The following CDH16 variants were observed in gnomAD, a reference collection of about 807,000 sequenced individuals.
CDH16 encodes cadherin 16, also known as cadherin-16.
CDH16 carries 79 observed loss-of-function variants against 87.6 expected under a neutral mutation model. The ratio of observed to expected loss-of-function variants is 0.90; its 90% confidence interval spans 0.75 to 1.09. The LOEUF is 1.09. CDH16 is among the 50% of genes least tolerant of loss of function. The pLI is 0.00. For synonymous variants in CDH16, 457 were observed against 439.5 expected (o/e 1.04, Z -0.50); for missense variants, 1,124 against 1,071.7 (o/e 1.05, Z -0.68).
rs908854862 is a variant in CDH16 at position 66,909,376 on chromosome 16, C to T, written c.2283G>A (p.Val761=). Residue 761 remains valine, a synonymous_variant, in exon 17 of 18, where the codon GTG becomes GTA. Coordinates refer to ENST00000299752, the MANE Select transcript of CDH16 (RefSeq NM_004062.4). The surrounding 1 kb of genome is among the most constrained non-coding windows in gnomAD (Gnocchi z 4.1). ...QMWQLLVRVI[V]CRCNVEGQCM... ...ACTGCCCCTCCACGTTGCAGCGACA[C>T]ACGATCACTGAGGGGAGAGGGGAGG... 1 of 1,605,624 alleles carries T rather than the reference C, an allele frequency of 6.2e-7. No homozygotes were observed. Among genetic ancestry groups the T allele is most frequent in the African/African-American group, 1.3e-5 (1 of 74,754 alleles).
In CDH16 at chr16:66,909,322, G is replaced by T. The variant is rs753055575; in HGVS notation, c.2337C>A (p.Gly779=). ...QCMRKVGRMK[G]MPTKLSAVGI... is the part of the protein sequence containing the mutation. Reference sequence around the variant, plus strand: ...CCACTGCCGACAGCTTCGTGGGCATGCCCTTCATGCGGCCCACCTTGCGCA... The same window carrying T: ...CCACTGCCGACAGCTTCGTGGGCATTCCCTTCATGCGGCCCACCTTGCGCA... The change falls in exon 17 of 18, where the codon GGC becomes GGA. Residue 779 remains glycine (G), a synonymous_variant. Coordinates refer to ENST00000299752, the MANE Select transcript of CDH16 (RefSeq NM_004062.4). This position sits in a 1 kb window ranked among gnomAD's most constrained non-coding sequence, Gnocchi z 4.1. The T allele has an allele frequency of 6.3e-7, 1 of 1,597,968 alleles. No homozygotes were observed. Among genetic ancestry groups the T allele is most frequent in the South Asian group, 1.1e-5 (1 of 90,876 alleles).
At position 66,909,889 on chromosome 16, in the gene CDH16, C is replaced by T; in HGVS notation, c.2275+97G>A. 1 of 854,518 alleles carries T rather than the reference C, an allele frequency of 1.2e-6. No individual in the cohort carries two copies. The allele number at this position is 854,518 out of a possible 1,614,324, so 52.9% of individuals were successfully genotyped here. A position where few individuals can be genotyped will look rare whatever the true frequency, so the allele number is the denominator to read the frequency against. On this transcript the variant is annotated intron_variant, in intron 16 of 17. Transcript: ENST00000299752. The surrounding 1 kb of genome is among the most constrained non-coding windows in gnomAD (Gnocchi z 4.1). The stretch of plus-strand genomic sequence containing the variant: ...GCAAGTGTGCACAGGCATGTGCTGT[C>T]CACATGAGCAGCCTGTATGCATGTG...
Position 66,909,229 on chromosome 16 carries a change from C to T in CDH16, c.2392+38G>A, listed in dbSNP as rs754248968. 1.9e-5 allele frequency: 25 copies of T among 1,286,274 alleles called. No individual in the cohort carries two copies. The highest frequency in any genetic ancestry group is 1.1e-4 in the South Asian group (9 of 84,400). 79.7% of individuals were successfully genotyped at this position (1,286,274 alleles called of 1,614,324 possible). On this transcript the variant is annotated intron_variant, in intron 17 of 17. Transcript: ENST00000299752. The surrounding 1 kb of genome is among the most constrained non-coding windows in gnomAD (Gnocchi z 4.1). ...GGAGGCTGTGGTCCCAACCACCCAT[C>T]GCCCTCGCCCACGCAGGTAATGTCC...
chr16:66,910,017 G>A lies in CDH16; in HGVS notation c.2244C>T (p.His748=), dbSNP rs1469524371. 1 of 1,611,768 alleles carries A rather than the reference G, an allele frequency of 6.2e-7. No individual in the cohort carries two copies. Among genetic ancestry groups the A allele is most frequent in the South Asian group, 1.1e-5 (1 of 90,798 alleles). Residue 748 remains histidine (H), a synonymous_variant, in exon 16 of 18, where the codon CAC becomes CAT. Transcript: ENST00000299752. ...CCAGGAGCTGCCACATCTGGGCATT[G>A]TGGCTGACCACCACGGGGATTATGT... The part of the protein sequence containing the change: ...REHIIPVVVS[H]NAQMWQLLVR...
In CDH16 at chr16:66,916,344, T is replaced by C. The variant is rs1345896707; in HGVS notation, c.215A>G (p.Asp72Gly). The C allele has an allele frequency of 6.2e-7, 1 of 1,614,152 alleles. No homozygotes were observed. Among genetic ancestry groups the C allele is most frequent in the Non-Finnish European group, 8.5e-7 (1 of 1,179,982 alleles). The change falls in exon 4 of 18, where the codon GAT becomes GGT. Residue 72 changes from aspartate to glycine, a missense_variant. Physicochemically the swap from Asp to Gly is moderately conservative, Grantham distance 94. Transcript: ENST00000299752. The surrounding 1 kb of genome is among the most constrained non-coding windows in gnomAD (Gnocchi z 4.1). Reference sequence around the variant, plus strand: ...CACCAGCAGGAAGCCAGAATCTGGATCCATAGCAAATGGGCCCTCAGTTGC... The same window carrying C: ...CACCAGCAGGAAGCCAGAATCTGGACCCATAGCAAATGGGCCCTCAGTTGC... The part of the protein sequence containing the change: ...GKATEGPFAM[D>G]PDSGFLLVTR...
Position 66,909,409 on chromosome 16 carries a change from GGGGA to G in CDH16, c.2276-30_2276-27del. The G allele has an allele frequency of 1.5e-6, 2 of 1,372,264 alleles. No individual in the cohort carries two copies. Among genetic ancestry groups the G allele is most frequent in the East Asian group, 2.3e-5 (1 of 42,930 alleles). The allele number at this position is 1,372,264 out of a possible 1,614,324, so 85.0% of individuals were successfully genotyped here. A position where few individuals can be genotyped will look rare whatever the true frequency, so the allele number is the denominator to read the frequency against. On this transcript the variant is annotated intron_variant, in intron 16 of 17. Transcript: ENST00000299752. This position sits in a 1 kb window ranked among gnomAD's most constrained non-coding sequence, Gnocchi z 4.1. ...CTGAGGGGAGAGGGGAGGAAGGTAA[GGGGA>G]GGGAGGGGAGGGCTCCCCAGCTGCT...
rs147284464 is a variant in CDH16, at chr16:66,912,554, C to T, written c.1309G>A (p.Val437Ile). 2.3e-4 allele frequency: 373 copies of T among 1,614,204 alleles called. No homozygotes were observed. In the African/African-American group the frequency reaches 2.8e-3, roughly 12 times the overall value. Reference sequence around the variant, plus strand: ...TGATCATTGATATCTGTGACTGCGACTTCGACTTCACACGTGCTGCTGAAG... The same window carrying T: ...TGATCATTGATATCTGTGACTGCGATTTCGACTTCACACGTGCTGCTGAAG... ...GGFSSTCEVE[V>I]AVTDINDHAP... The change falls in exon 11 of 18, where the codon GTC (valine) becomes ATC (isoleucine). Residue 437 changes from valine to isoleucine, a missense_variant. Coordinates refer to ENST00000299752, the MANE Select transcript of CDH16 (RefSeq NM_004062.4).
At chr16:66,915,071 C>G (rs550857928) in intron 6 of CDH16, 149 bp downstream of exon 6, 2 of 725,606 alleles carry the variant, frequency 2.8e-6, no homozygotes, top group East Asian at 5.3e-5. Flanking sequence ...GCCTCCACAG[C>G]CCCCTGCCTT....
chr16:66,910,691 C>T (rs1962374745), intron 14 of CDH16, 189 bp from the exon 15 acceptor site: 1 of 617,238 alleles, frequency 1.6e-6, no homozygotes, highest in Admixed American at 3.8e-5. Context: ...GCGGAGCTCA[C>T]TGCTGCTGGG....
intron 17 of CDH16, 42 bp from the exon 18 acceptor site, chr16:66,908,531 T>A: frequency 6.8e-7 from 1 of 1,470,258 alleles, no homozygotes; most frequent in Non-Finnish European, 9.5e-7. Context: ...CAGAAGGGGC[T>A]GTGGGACTTG....
chr16:66,916,682 T>C lies in CDH16; in HGVS notation c.130-253A>G, dbSNP rs1052188489. Among the ~76,000 whole-genome samples, 1 of 152,190 alleles carries C rather than the reference T, an allele frequency of 6.6e-6. No homozygotes were observed. The highest frequency in any genetic ancestry group is 1.5e-5 in the Non-Finnish European group (1 of 68,032). Reference sequence around the variant, plus strand: ...AACCTCACCACCGAGATTTCGTTCTTTAATCTAAAGCTCTGCTCTCCACTA... The same window carrying C: ...AACCTCACCACCGAGATTTCGTTCTCTAATCTAAAGCTCTGCTCTCCACTA... On this transcript the variant is annotated intron_variant, in intron 3 of 17. Transcript: ENST00000299752. The surrounding 1 kb of genome is among the most constrained non-coding windows in gnomAD (Gnocchi z 4.1).
At position 66,909,236 on chromosome 16, in the gene CDH16, GCCCA is replaced by G; in HGVS notation, c.2392+27_2392+30del. 1 of 1,363,592 alleles carries G rather than the reference GCCCA, an allele frequency of 7.3e-7. No individual in the cohort carries two copies. The allele number at this position is 1,363,592 out of a possible 1,614,324, so 84.5% of individuals were successfully genotyped here. On this transcript the variant is annotated intron_variant, in intron 17 of 17. Coordinates refer to ENST00000299752, the MANE Select transcript of CDH16 (RefSeq NM_004062.4). The surrounding 1 kb of genome is among the most constrained non-coding windows in gnomAD (Gnocchi z 4.1). ...GTGGTCCCAACCACCCATCGCCCTC[GCCCA>G]CGCAGGTAATGTCCAACCTCCATTA...
Position 66,916,148 on chromosome 16 carries a change from A to C in CDH16, c.341T>G (p.Val114Gly), listed in dbSNP as rs371486352. Residue 114 changes from valine (V) to glycine (G), a missense_variant, in exon 5 of 18, where the codon GTG (valine) becomes GGG (glycine). Physicochemically the swap from Val to Gly is moderately radical, Grantham distance 109. Coordinates refer to ENST00000299752, the MANE Select transcript of CDH16 (RefSeq NM_004062.4). This position sits in a 1 kb window ranked among gnomAD's most constrained non-coding sequence, Gnocchi z 4.1. Reference protein sequence around the residue: ...HVLWGPQPVLVHVKDENDQVP... With the variant: ...HVLWGPQPVLGHVKDENDQVP... ...CTGGTCATTCTCATCCTTCACGTGC[A>C]CAAGCACAGGCTGTGGACCCCACAA... is the stretch of plus-strand genomic sequence containing the variant. 4 of 1,614,104 alleles carry C rather than the reference A, an allele frequency of 2.5e-6. No individual in the cohort carries two copies. The Admixed American group carries it at 5.0e-5, about 20-fold the overall frequency.
At position 66,917,623 on chromosome 16, in the gene CDH16, C is replaced by T. The variant is rs768702414; in HGVS notation, c.129+19G>A. 10 of 1,600,576 alleles carry T rather than the reference C, an allele frequency of 6.2e-6. No individual in the cohort carries two copies. The highest frequency in any genetic ancestry group is 8.6e-6 in the Non-Finnish European group (10 of 1,169,528). ...CGGGGAGGGATCCCCCCGGCCCCAACCCCAGCTCTCCGGCTCACCTTGGTC... is the reference window on the plus strand; with the variant it reads ...CGGGGAGGGATCCCCCCGGCCCCAATCCCAGCTCTCCGGCTCACCTTGGTC... On this transcript the variant is annotated intron_variant, in intron 3 of 17. Coordinates refer to ENST00000299752, the MANE Select transcript of CDH16 (RefSeq NM_004062.4).
At chr16:66,913,969 C>T (rs953036843) in intron 7 of CDH16, among the ~76,000 whole-genome samples, 1 of 152,226 alleles carries the variant, frequency 6.6e-6, no homozygotes, top group African/African-American at 2.4e-5. Context: ...TCTGAGGAAG[C>T]CCTGGGCAAG....
At chr16:66,910,642 G>C (rs1435442594) in intron 14 of CDH16, 140 bp from the exon 15 acceptor site, 6 of 908,336 alleles carry the variant, frequency 6.6e-6, no homozygotes, top group African/African-American at 5.1e-5. Flanking sequence ...CTCTCCACCT[G>C]TCATCATCCC....
intron 17 of CDH16, among the ~76,000 whole-genome samples, chr16:66,908,693 T>C (rs1962269832): frequency 6.6e-6 from 1 of 152,162 alleles, no homozygotes; most frequent in African/African-American, 2.4e-5. Context: ...CCTCTGAGGC[T>C]GACCCAGTAT....
At position 66,913,244 on chromosome 16, in the gene CDH16, T is replaced by C. The variant is rs769979240; in HGVS notation, c.941A>G (p.Glu314Gly). 1.4e-5 allele frequency: 22 copies of C among 1,566,778 alleles called. No homozygotes were observed. Among genetic ancestry groups the C allele is most frequent in the Admixed American group, 1.9e-5 (1 of 53,710 alleles). Residue 314 changes from glutamate (E) to glycine (G), a missense_variant, in exon 9 of 18, where the codon GAG (glutamate) becomes GGG (glycine). Transcript: ENST00000299752. ...CAGCTCCAGAGGGGCCGCATAGTCC[T>C]CGCCATGGGAATTCTGAGCCCGCAC... Reference protein sequence around the residue: ...LQVRAQNSHGEDYAAPLELHV... With the variant: ...LQVRAQNSHGGDYAAPLELHV...
chr16:66,913,995 C>T (rs549915272), intron 7 of CDH16, among the ~76,000 whole-genome samples: 3 of 152,222 alleles, frequency 2.0e-5, no homozygotes, highest in Non-Finnish European at 4.4e-5. Flanking sequence ...GAGGTCAGAG[C>T]ACAGAGTCAC....
Sources: allele counts gnomAD v4.1 joint callset (sites outside exome capture counted in the v4.1 genomes callset), GRCh38; gene constraint gnomAD v4.1.1; non-coding constraint Gnocchi (gnomAD v3.1); transcripts MANE v1.5; gene names NCBI Gene and HGNC (gene_info 2026-07-23, HGNC 2026-07-21).